RBBP5: variants seen among roughly 807,000 people sequenced by gnomAD.
RBBP5 encodes RB binding protein 5, histone lysine methyltransferase complex subunit.
In RBBP5, 5 loss-of-function variants were observed where a neutral mutation model predicts 72.2. That is an observed-to-expected ratio of 0.07 (90% CI 0.04 to 0.15). The LOEUF is 0.15. Among genes scored for constraint, RBBP5 ranks in the 10% least tolerant of loss-of-function variants. RBBP5 has a pLI of 1.00. For missense variants in RBBP5, 322 were observed against 652.2 expected, an observed-to-expected ratio of 0.49 and a Z score of 5.51; for synonymous variants, 209 against 237.2, an observed-to-expected ratio of 0.88 and a Z score of 1.09.
chr1:205,099,185 T>C lies in RBBP5; in HGVS notation c.979-79A>G. On this transcript the variant is annotated intron_variant, in intron 9 of 13. Coordinates refer to ENST00000264515, the MANE Select transcript of RBBP5 (RefSeq NM_005057.4). This position sits in a 1 kb window ranked among gnomAD's most constrained non-coding sequence, Gnocchi z 4.7. ...TACACATTAATGATAAAATGAAAGA[T>C]GTGAGCATGAAAGGAATTCACAATT... 1 of 880,220 alleles carries C rather than the reference T, an allele frequency of 1.1e-6. No individual in the cohort carries two copies. Among genetic ancestry groups the C allele is most frequent in the South Asian group, 2.4e-5 (1 of 42,362 alleles). 54.5% of individuals were successfully genotyped at this position (880,220 alleles called of 1,614,324 possible). A position where few individuals can be genotyped will look rare whatever the true frequency, so the allele number is the denominator to read the frequency against.
intron 1 of RBBP5, among the ~76,000 whole-genome samples, chr1:205,119,333 T>C (rs1448706526): frequency 1.3e-5 from 2 of 152,150 alleles, no homozygotes; most frequent in Admixed American, 6.5e-5. Flanking sequence ...GAAGCGCAAG[T>C]TGCTGTCAGC....
At chr1:205,117,529 G>A (rs548552041) in intron 1 of RBBP5, among the ~76,000 whole-genome samples, 40 of 151,478 alleles carry the variant, frequency 2.6e-4, no homozygotes, top group African/African-American at 8.5e-4. Context: ...GCGTGGTGGC[G>A]CATGCCTGTA....
chr1:205,119,218 C>A (rs1574723580), intron 1 of RBBP5, among the ~76,000 whole-genome samples: 1 of 152,074 alleles, frequency 6.6e-6, no homozygotes, highest in South Asian at 2.1e-4. Flanking sequence ...CATGGTGAAA[C>A]CCAGTCTCTA....
rs1473808170 is a variant in RBBP5 at position 205,086,206 on chromosome 1, TAA to T, written c.*2579_*2580del. On this transcript the variant is annotated 3_prime_UTR_variant, in exon 14 of 14. Transcript: ENST00000264515. ...AGCTTCAGCAAGAAGTACCCAAGGC[TAA>T]GTCTCATCTTGTACAAAACTACAGA... The T allele has an allele frequency of 6.6e-6, 1 of 151,552 alleles. No individual in the cohort carries two copies. The highest frequency in any genetic ancestry group is 1.5e-5 in the Non-Finnish European group (1 of 67,956). The allele number at this position is 151,552 out of a possible 1,614,324, so 9.4% of individuals were successfully genotyped here. A position where few individuals can be genotyped will look rare whatever the true frequency, so the allele number is the denominator to read the frequency against.
intron 4 of RBBP5, among the ~76,000 whole-genome samples, chr1:205,104,543 TA>T (rs552499773): frequency 1.4e-5 from 2 of 142,360 alleles, no homozygotes; most frequent in Non-Finnish European, 3.1e-5. Context: ...AAATTTAAAT[TA>T]AAAAAAACGC....
At chr1:205,116,401 C>A in intron 1 of RBBP5, 1 of 286,120 alleles carries the variant, frequency 3.5e-6, no homozygotes. Flanking sequence ...CCCTCTACTT[C>A]TTAAAAGTAT....
rs140736521 is a variant in RBBP5 at position 205,106,090 on chromosome 1, T to C, written c.219-922A>G. ...CACCATGGTGTCAGAGAAGGACACA[T>C]AGAGAGAAGGAACAAGGAATTCCTA... On this transcript the variant is annotated intron_variant, in intron 3 of 13. Transcript: ENST00000264515. 4.1e-3 allele frequency among the ~76,000 whole-genome samples: 629 copies of C among 152,222 alleles called. 5 individuals carry two copies. The highest frequency in any genetic ancestry group is 6.4e-3 in the Non-Finnish European group (432 of 68,026).
intron 12 of RBBP5, 54 bp from the exon 13 acceptor site, chr1:205,095,118 C>T (rs1458430521): frequency 4.6e-6 from 7 of 1,525,038 alleles, no homozygotes; most frequent in Non-Finnish European, 6.3e-6. Flanking sequence ...TCTCATCACC[C>T]CAACCACAAC....
intron 10 of RBBP5, among the ~76,000 whole-genome samples, chr1:205,097,902 G>C (rs1655676848): frequency 6.6e-6 from 1 of 152,084 alleles, no homozygotes; most frequent in African/African-American, 2.4e-5. Flanking sequence ...GCACCATCAA[G>C]TATCTCGGGG....
At position 205,099,029 on chromosome 1, in the gene RBBP5, A is replaced by C. The variant is rs1655722589; in HGVS notation, c.1056T>G (p.Phe352Leu). The change falls in exon 10 of 14, where the codon TTT becomes TTG. Residue 352 changes from phenylalanine to leucine, a missense_variant. By Grantham distance (22) the Phe-to-Leu change is conservative. Transcript: ENST00000264515. This position sits in a 1 kb window ranked among gnomAD's most constrained non-coding sequence, Gnocchi z 4.7. Reference protein sequence around the residue: ...NVEYEERESEFDIEDEDKSEP... With the variant: ...NVEYEERESELDIEDEDKSEP... ...CACTCTTATCTTCATCTTCAATATC[A>C]AACTCTGATTCCCTTTCTTCGTATT... The C allele has an allele frequency of 6.2e-7, 1 of 1,611,602 alleles. No individual in the cohort carries two copies. The highest frequency in any genetic ancestry group is 1.3e-5 in the African/African-American group (1 of 74,762).
At chr1:205,112,369 T>C (rs1236754515) in intron 3 of RBBP5, among the ~76,000 whole-genome samples, 1 of 152,152 alleles carries the variant, frequency 6.6e-6, no homozygotes, top group Non-Finnish European at 1.5e-5. Context: ...ATGACGGCTT[T>C]TCTGACCGTT....
intron 1 of RBBP5, among the ~76,000 whole-genome samples, chr1:205,121,072 A>T (rs1244602995): frequency 1.3e-5 from 2 of 152,204 alleles, no homozygotes; most frequent in African/African-American, 4.8e-5. Context: ...GACTTTTTTA[A>T]AAGAGAAACC....
At chr1:205,100,414 A>C in intron 6 of RBBP5, 143 bp from the exon 7 acceptor site, 1 of 1,054,366 alleles carries the variant, frequency 9.5e-7, no homozygotes, top group Non-Finnish European at 1.3e-6. Flanking sequence ...TCATCTCCCA[A>C]ACCAAAATAC....
chr1:205,092,486 A>G (rs10736840), intron 13 of RBBP5, among the ~76,000 whole-genome samples: 118,964 of 151,712 alleles, frequency 0.78, 48,035 homozygotes, highest in East Asian at 0.97. Context: ...TCACTCTGTT[A>G]CCCAGGCTGG....
chr1:205,095,784 T>C (rs1302755889), intron 12 of RBBP5, among the ~76,000 whole-genome samples: 7 of 152,170 alleles, frequency 4.6e-5, no homozygotes, highest in Admixed American at 4.6e-4. Flanking sequence ...GCAGGGTTGA[T>C]GTAAAAGTCA....
At chr1:205,103,693 A>G (rs1204733964) in intron 5 of RBBP5, among the ~76,000 whole-genome samples, 164 bp downstream of exon 5, 1 of 152,222 alleles carries the variant, frequency 6.6e-6, no homozygotes, top group Non-Finnish European at 1.5e-5. Flanking sequence ...AAATCCAAAG[A>G]ACAAAAATTA....
At chr1:205,113,585 G>A (rs1423591574) in intron 3 of RBBP5, among the ~76,000 whole-genome samples, 2 of 151,594 alleles carry the variant, frequency 1.3e-5, no homozygotes, top group South Asian at 2.1e-4. Flanking sequence ...AAATTATATT[G>A]TGATGATGGT....
intron 13 of RBBP5, among the ~76,000 whole-genome samples, chr1:205,094,009 A>C (rs761411607): frequency 6.6e-6 from 1 of 152,212 alleles, no homozygotes; most frequent in Admixed American, 6.5e-5. Flanking sequence ...AAAGCAAAAA[A>C]ACAATTTCCA....
At chr1:205,092,794 C>G (rs181018720) in intron 13 of RBBP5, among the ~76,000 whole-genome samples, 2 of 151,810 alleles carry the variant, frequency 1.3e-5, no homozygotes, top group African/African-American at 4.8e-5. Context: ...GTTGCCCAGG[C>G]TGGTCTTGAA....
Sources: allele counts gnomAD v4.1 joint callset (sites outside exome capture counted in the v4.1 genomes callset), GRCh38; gene constraint gnomAD v4.1.1; non-coding constraint Gnocchi (gnomAD v3.1); transcripts MANE v1.5; gene names NCBI Gene and HGNC (gene_info 2026-07-23, HGNC 2026-07-21).